Variants in VPS51 observed in about 807,000 individuals in gnomAD.
The protein encoded by VPS51 is vacuolar protein sorting-associated protein 51 homolog.
Under a neutral mutation model 65.1 loss-of-function variants are expected in VPS51, and 55 were observed. The observed-to-expected ratio is 0.84, with a 90% CI of 0.68 to 1.06. VPS51 has a LOEUF of 1.06. Among genes scored for constraint, VPS51 ranks in the 50% least tolerant of loss-of-function variants. The pLI is 0.00. For synonymous variants in VPS51, 473 were observed against 489.5 expected (o/e 0.97, Z 0.44); for missense variants, 943 against 1,101.6 (o/e 0.86, Z 2.04).
intron 9 of VPS51, 79 bp from the exon 10 acceptor site, chr11:65,111,248 C>T (rs780314932): frequency 2.5e-6 from 4 of 1,585,918 alleles, no homozygotes; most frequent in East Asian, 2.3e-5. Flanking sequence ...GTATGTCTCC[C>T]GGGCCCCTGC....
intron 2 of VPS51, among the ~76,000 whole-genome samples, chr11:65,098,194 TAAG>T (rs1038262334): frequency 1.4e-4 from 22 of 151,764 alleles, no homozygotes; most frequent in Non-Finnish European, 2.7e-4. Context: ...AAAAAAATAA[TAAG>T]AAGAAGAATC....
In VPS51 at chr11:65,096,981, C is replaced by T; in HGVS notation, c.229-17C>T. The T allele has an allele frequency of 6.2e-7, 1 of 1,612,674 alleles. No individual in the cohort carries two copies. Among genetic ancestry groups the T allele is most frequent in the South Asian group, 1.1e-5 (1 of 91,014 alleles). ...GAATGCCTCCTGACCCGAACACTAA[C>T]CACCCAACTTCTTCAGCTGCGTAGA... is the stretch of plus-strand genomic sequence containing the variant. On this transcript the variant is annotated splice_polypyrimidine_tract_variant and intron_variant, in intron 1 of 9. Coordinates refer to ENST00000279281, the MANE Select transcript of VPS51 (RefSeq NM_013265.4).
chr11:65,110,422 C>CGAT, intron 7 of VPS51, 60 bp from the exon 8 acceptor site: 1 of 1,612,568 alleles, frequency 6.2e-7, no homozygotes, highest in East Asian at 2.2e-5. Context: ...TCCTCAGCAC[C>CGAT]GATGGGCTGG....
chr11:65,107,989 C>T lies in VPS51; in HGVS notation c.692C>T (p.Ala231Val), dbSNP rs1279664246. 6.4e-7 allele frequency: 1 copy of T among 1,551,586 alleles called. No individual in the cohort carries two copies. The highest frequency in any genetic ancestry group is 1.2e-5 in the South Asian group (1 of 85,224). The change falls in exon 4 of 10, where the codon GCC becomes GTC. Residue 231 changes from alanine to valine, a missense_variant. Ala to Val is a moderately conservative substitution (Grantham distance 64, BLOSUM62 0). This residue lies in a region of VPS51 where 855 missense variants were observed against 953.7 expected (regional missense o/e 0.90). Coordinates refer to ENST00000279281, the MANE Select transcript of VPS51 (RefSeq NM_013265.4). The surrounding 1 kb of genome is among the most constrained non-coding windows in gnomAD (Gnocchi z 4.0). ...AIQDDCQVIT[A>V]RLAQQLRQRF... ...CAGGACGACTGCCAGGTCATCACGGCCCGCCTGGCCCAGCAGCTGCGGCAG... is the reference window on the plus strand; with the variant it reads ...CAGGACGACTGCCAGGTCATCACGGTCCGCCTGGCCCAGCAGCTGCGGCAG...
Position 65,108,753 on chromosome 11 carries a change from G to T in VPS51, c.1282G>T (p.Ala428Ser). 6.2e-7 allele frequency: 1 copy of T among 1,611,948 alleles called. No homozygotes were observed. The highest frequency in any genetic ancestry group is 8.5e-7 in the Non-Finnish European group (1 of 1,179,846). ...FLGCLTDVRQALAAPRVAGKE... is the reference protein window; with the variant it reads ...FLGCLTDVRQSLAAPRVAGKE... ...GGGCTGCCTGACAGACGTCCGCCAG[G>T]CGCTGGCAGCACCTCGCGTGGCTGG... Residue 428 changes from alanine (A) to serine (S), a missense_variant, in exon 5 of 10, where the codon GCG becomes TCG. By Grantham distance (99) the Ala-to-Ser change is moderately conservative (BLOSUM62 1). Coordinates refer to ENST00000279281, the MANE Select transcript of VPS51 (RefSeq NM_013265.4).
rs1241975776 is a variant in VPS51, at chr11:65,109,742, C to T, written c.1697C>T (p.Ala566Val). The T allele has an allele frequency of 6.3e-7, 1 of 1,591,434 alleles. No individual in the cohort carries two copies. The highest frequency in any genetic ancestry group is 8.6e-7 in the Non-Finnish European group (1 of 1,169,214). The stretch of plus-strand genomic sequence containing the variant: ...GTGACGCCCGTGAGCACGCTGTGTG[C>T]AGAGGCCAGGGAAACGGCGCGGCGG... The part of the protein sequence containing the change: ...FPVTPVSTLC[A>V]EARETARRLL... Residue 566 changes from alanine (A) to valine (V), a missense_variant, in exon 7 of 10, where the codon GCA becomes GTA. Transcript: ENST00000279281.
chr11:65,101,453 T>G (rs889353861), intron 2 of VPS51, among the ~76,000 whole-genome samples: 13 of 152,102 alleles, frequency 8.5e-5, no homozygotes, highest in Admixed American at 2.0e-4. Context: ...AAAGCAGTCT[T>G]TGACAGTACA....
chr11:65,111,210 T>A, intron 9 of VPS51, 117 bp from the exon 10 acceptor site: 1 of 1,483,606 alleles, frequency 6.7e-7, no homozygotes, highest in Non-Finnish European at 9.2e-7. Flanking sequence ...CCCCGGAGAC[T>A]TTCTGCCTCA....
At chr11:65,109,054 A>G in intron 5 of VPS51, 140 bp downstream of exon 5, 1 of 1,167,840 alleles carries the variant, frequency 8.6e-7, no homozygotes, top group African/African-American at 1.5e-5. Context: ...GGGGGTGGGG[A>G]AGGCTCAGGG....
Position 65,096,470 on chromosome 11 carries a change from C to G in VPS51, c.220C>G (p.Leu74Val). The change falls in exon 1 of 10, where the codon CTA becomes GTA. Residue 74 changes from leucine to valine, a missense_variant. Leu to Val is a conservative substitution (Grantham distance 32, BLOSUM62 1). This residue lies in a region of VPS51 where 855 missense variants were observed against 953.7 expected (regional missense o/e 0.90). Transcript: ENST00000279281. The part of the protein sequence containing the change: ...NGAHFDPEVY[L>V]DKLRRECPLA... The stretch of plus-strand genomic sequence containing the variant: ...GGCGCACTTCGACCCGGAAGTTTAC[C>G]TAGACAAGGTGTGTGCGCACGGGGA... The G allele has an allele frequency of 6.6e-7, 1 of 1,523,518 alleles. No homozygotes were observed. The highest frequency in any genetic ancestry group is 8.7e-7 in the Non-Finnish European group (1 of 1,143,312). The allele number at this position is 1,523,518 out of a possible 1,614,324, so 94.4% of individuals were successfully genotyped here.
chr11:65,110,551 G>A lies in VPS51; in HGVS notation c.1948G>A (p.Val650Met). The change falls in exon 8 of 10, where the codon GTG becomes ATG. Residue 650 changes from valine to methionine, a missense_variant. Val to Met is a conservative substitution (Grantham distance 21, BLOSUM62 1). Transcript: ENST00000279281. Reference sequence around the variant, plus strand: ...CGACTCCAGCAAGAGGACTTTCTCCGTGTACAGCAGCTCTCGGCAGCAGGG... The same window carrying A: ...CGACTCCAGCAAGAGGACTTTCTCCATGTACAGCAGCTCTCGGCAGCAGGG... ...SSDSSKRTFSVYSSSRQQGRY... is the reference protein window; with the variant it reads ...SSDSSKRTFSMYSSSRQQGRY... 1.2e-6 allele frequency: 2 copies of A among 1,614,012 alleles called. No individual in the cohort carries two copies. The highest frequency in any genetic ancestry group is 1.1e-5 in the South Asian group (1 of 91,088).
Position 65,096,315 on chromosome 11 carries a change from C to T in VPS51, c.65C>T (p.Pro22Leu). The change falls in exon 1 of 10, where the codon CCC (proline) becomes CTC (leucine). Residue 22 changes from proline to leucine, a missense_variant. Around this residue, in one of 2 missense-constraint regions of VPS51, gnomAD observed 855 missense variants for 953.7 expected, o/e 0.90. Transcript: ENST00000279281. ...GGACCTGGGGACTCCCCAGAAGGGC[C>T]CGAGGGGGAGGCTCCGGAGCGTCGG... ...GSGPGDSPEG[P>L]EGEAPERRRK... The T allele has an allele frequency of 6.6e-7, 1 of 1,508,044 alleles. No individual in the cohort carries two copies. The allele number at this position is 1,508,044 out of a possible 1,614,324, so 93.4% of individuals were successfully genotyped here. A position where few individuals can be genotyped will look rare whatever the true frequency, so the allele number is the denominator to read the frequency against.
Position 65,107,820 on chromosome 11 carries a change from C to T in VPS51, c.523C>T (p.Arg175Trp), listed in dbSNP as rs994312359. ...TKLAGVHALL[R>W]KLQFLFELPS... is the part of the protein sequence containing the mutation. ...TCCCCCAGGGGTCCACGCGCTGCTGCGGAAGCTGCAGTTCCTCTTTGAGCT... is the reference window on the plus strand; with the variant it reads ...TCCCCCAGGGGTCCACGCGCTGCTGTGGAAGCTGCAGTTCCTCTTTGAGCT... Residue 175 changes from arginine to tryptophan, a missense_variant, in exon 4 of 10, where the codon CGG becomes TGG. By Grantham distance (101) the Arg-to-Trp change is moderately radical. This residue lies in a region of VPS51 where 855 missense variants were observed against 953.7 expected (regional missense o/e 0.90). Transcript: ENST00000279281. The surrounding 1 kb of genome is among the most constrained non-coding windows in gnomAD (Gnocchi z 4.0). 4.5e-5 allele frequency: 71 copies of T among 1,563,592 alleles called. No homozygotes were observed. The highest frequency in any genetic ancestry group is 5.8e-5 in the Non-Finnish European group (67 of 1,155,950).
rs754053789 is a variant in VPS51 at position 65,111,376 on chromosome 11, A to C, written c.2138A>C (p.Glu713Ala). 2.5e-6 allele frequency: 4 copies of C among 1,611,500 alleles called. No homozygotes were observed. In the South Asian group the frequency reaches 4.4e-5, roughly 18 times the overall value. The change falls in exon 10 of 10, where the codon GAG becomes GCG. Residue 713 changes from glutamate (E) to alanine (A), a missense_variant. Physicochemically the swap from Glu to Ala is moderately radical, Grantham distance 107. This residue lies in a region of VPS51 where 88 missense variants were observed against 147.8 expected (regional missense o/e 0.60). Coordinates refer to ENST00000279281, the MANE Select transcript of VPS51 (RefSeq NM_013265.4). ...IIKISLKTLL[E>A]CVRLRTFGRF... ...AAGATCAGCCTGAAGACGCTGCTGG[A>C]GTGTGTGCGGCTGCGCACCTTTGGG...
chr11:65,096,308 G>A lies in VPS51; in HGVS notation c.58G>A (p.Glu20Lys), dbSNP rs1947767571. 6.6e-7 allele frequency: 1 copy of A among 1,516,010 alleles called. No homozygotes were observed. The highest frequency in any genetic ancestry group is 8.8e-7 in the Non-Finnish European group (1 of 1,138,484). 93.9% of individuals were successfully genotyped at this position (1,516,010 alleles called of 1,614,324 possible). A position where few individuals can be genotyped will look rare whatever the true frequency, so the allele number is the denominator to read the frequency against. ...GGGGTCTGGACCTGGGGACTCCCCA[G>A]AAGGGCCCGAGGGGGAGGCTCCGGA... ...SPGSGPGDSP[E>K]GPEGEAPERR... Residue 20 changes from glutamate to lysine, a missense_variant, in exon 1 of 10, where the codon GAA becomes AAA. Glu to Lys is a moderately conservative substitution (Grantham distance 56). Around this residue, in one of 2 missense-constraint regions of VPS51, gnomAD observed 855 missense variants for 953.7 expected, o/e 0.90. Coordinates refer to ENST00000279281, the MANE Select transcript of VPS51 (RefSeq NM_013265.4).
chr11:65,099,711 C>T (rs772937368), intron 2 of VPS51, among the ~76,000 whole-genome samples: 1 of 152,058 alleles, frequency 6.6e-6, no homozygotes, highest in African/African-American at 2.4e-5. Flanking sequence ...GTGGGTGGAT[C>T]ACATGAGCCC....
intron 7 of VPS51, 55 bp from the exon 8 acceptor site, chr11:65,110,425 TGG>T: frequency 3.1e-6 from 5 of 1,612,804 alleles, no homozygotes; most frequent in Non-Finnish European, 4.2e-6. Context: ...TCAGCACCGA[TGG>T]GCTGGTGGTT....
At chr11:65,100,484 C>A (rs1947800387) in intron 2 of VPS51, among the ~76,000 whole-genome samples, 1 of 148,228 alleles carries the variant, frequency 6.7e-6, no homozygotes, top group South Asian at 2.1e-4. Context: ...GAATTGAAAA[C>A]ATGTTCACAT....
chr11:65,106,750 C>CA (rs34281986), intron 2 of VPS51, among the ~76,000 whole-genome samples: 105,467 of 131,532 alleles, frequency 0.8, 43,599 homozygotes, highest in Non-Finnish European at 0.91. Flanking sequence ...GACTCAGTCT[C>CA]AAAAAAAAAA....
Sources: gnomAD v4.1 joint callset for allele counts (sites outside exome capture counted in the v4.1 genomes callset) on GRCh38, gnomAD v4.1.1 for gene constraint, gnomAD v4.1.1 regional missense constraint, Gnocchi (gnomAD v3.1) non-coding constraint, MANE v1.5 for transcripts, NCBI Gene and HGNC (gene_info 2026-07-23, HGNC 2026-07-21) for gene names.